The following PLVAP variants were observed in gnomAD, a reference collection of about 807,000 sequenced individuals.
The protein encoded by PLVAP is plasmalemma vesicle associated protein.
Under a neutral mutation model 43.1 loss-of-function variants are expected in PLVAP, and 34 were observed. The observed-to-expected ratio is 0.79, with a 90% CI of 0.60 to 1.05. The LOEUF is 1.05. PLVAP is among the 50% of genes least tolerant of loss of function. PLVAP has a pLI of 0.00. For missense variants in PLVAP, 574 were observed against 593.4 expected (o/e 0.97, Z 0.34); for synonymous variants, 241 against 237.3 (o/e 1.02, Z -0.14).
At chr19:17,354,636 C>T (rs952623295) in intron 5 of PLVAP, among the ~76,000 whole-genome samples, 13 of 148,020 alleles carry the variant, frequency 8.8e-5, no homozygotes, top group South Asian at 2.1e-4. Context: ...CTGTGACTCA[C>T]ACCTGTAATC....
At chr19:17,355,207 G>A (rs2074501582) in intron 5 of PLVAP, among the ~76,000 whole-genome samples, 1 of 139,158 alleles carries the variant, frequency 7.2e-6, no homozygotes, top group African/African-American at 2.7e-5. Context: ...GTGGGTGGCA[G>A]AGTGAGACTC....
chr19:17,376,117 T>G (rs10469472), intron 1 of PLVAP, among the ~76,000 whole-genome samples: 36,057 of 150,896 alleles, frequency 0.24, 5,672 homozygotes, highest in African/African-American at 0.45. Context: ...TGTCAAGGCT[T>G]CAGTGAGCTA....
chr19:17,356,453 T>G (rs2074507154), intron 5 of PLVAP, among the ~76,000 whole-genome samples: 1 of 152,180 alleles, frequency 6.6e-6, no homozygotes, highest in Non-Finnish European at 1.5e-5. Context: ...TAATACCAGC[T>G]AAGGCTTTGT....
intron 1 of PLVAP, among the ~76,000 whole-genome samples, chr19:17,366,979 G>C (rs1184272574): frequency 1.6e-5 from 2 of 122,404 alleles, no homozygotes; most frequent in Non-Finnish European, 3.3e-5. Flanking sequence ...GTCTCACTTT[G>C]TCACCCAGGC....
In PLVAP at chr19:17,365,549, G is replaced by A. The variant is rs1297171103; in HGVS notation, c.916C>T (p.Arg306Cys). The change falls in exon 3 of 6, where the codon CGC becomes TGC. Residue 306 changes from arginine (R) to cysteine (C), a missense_variant. Arg to Cys is a radical substitution (Grantham distance 180, BLOSUM62 -3). Transcript: ENST00000252590. ...RVARENSDLQ[R>C]QKLEAQQGLR... ...CCCTGCTGGGCTTCCAGCTTCTGGCGTTGGAGGTCTGAGTTCTCGCGGGCC... is the reference window on the plus strand; with the variant it reads ...CCCTGCTGGGCTTCCAGCTTCTGGCATTGGAGGTCTGAGTTCTCGCGGGCC... The A allele has an allele frequency of 8.7e-6, 14 of 1,611,818 alleles. No individual in the cohort carries two copies. The highest frequency in any genetic ancestry group is 1.6e-4 in the Middle Eastern group (1 of 6,084).
Position 17,365,991 on chromosome 19 carries a change from G to A in PLVAP, c.474C>T (p.Leu158=), listed in dbSNP as rs1335491726. The change falls in exon 3 of 6, where the codon CTC becomes CTT. Residue 158 remains leucine (L), a synonymous_variant. Coordinates refer to ENST00000252590, the MANE Select transcript of PLVAP (RefSeq NM_031310.3). ...TCTTCACCTTCTGATTCAGCATGAA[G>A]AGCAAGGCTAAGGAAAACAGGACCA... is the stretch of plus-strand genomic sequence containing the variant. ...KDMNKSCDAL[L]FMLNQKVKTL... 1 of 1,612,918 alleles carries A rather than the reference G, an allele frequency of 6.2e-7. No individual in the cohort carries two copies. The highest frequency in any genetic ancestry group is 1.7e-5 in the Admixed American group (1 of 59,964).
At chr19:17,370,353 C>T (rs2074567485) in intron 1 of PLVAP, among the ~76,000 whole-genome samples, 1 of 152,148 alleles carries the variant, frequency 6.6e-6, no homozygotes, top group South Asian at 2.1e-4. Context: ...TGTCCACAGC[C>T]GCTCGATTCA....
intron 3 of PLVAP, 131 bp downstream of exon 3, chr19:17,365,155 G>A: frequency 1.4e-6 from 1 of 740,184 alleles, no homozygotes; most frequent in Non-Finnish European, 2.2e-6. Context: ...CCTGATCCTA[G>A]AGAGTTGTAA....
chr19:17,377,005 T>C lies in PLVAP; in HGVS notation c.284A>G (p.Lys95Arg). The C allele has an allele frequency of 6.2e-7, 1 of 1,614,130 alleles. No individual in the cohort carries two copies. Among genetic ancestry groups the C allele is most frequent in the East Asian group, 2.2e-5 (1 of 44,870 alleles). ...TKELNFTTRA[K>R]DAIMQMWLNA... ...CAGCCACATCTGCATGATGGCATCCTTGGCGCGGGTGGTGAAGTTGAGCTC... is the reference window on the plus strand; with the variant it reads ...CAGCCACATCTGCATGATGGCATCCCTGGCGCGGGTGGTGAAGTTGAGCTC... The change falls in exon 1 of 6, where the codon AAG becomes AGG. Residue 95 changes from lysine to arginine, a missense_variant. Physicochemically the swap from Lys to Arg is conservative, Grantham distance 26. Coordinates refer to ENST00000252590, the MANE Select transcript of PLVAP (RefSeq NM_031310.3).
At chr19:17,368,740 G>C (rs1057002620) in intron 1 of PLVAP, among the ~76,000 whole-genome samples, 1 of 152,114 alleles carries the variant, frequency 6.6e-6, no homozygotes, top group African/African-American at 2.4e-5. Flanking sequence ...CACTCTGGGA[G>C]GCCAAGGCGG....
intron 5 of PLVAP, among the ~76,000 whole-genome samples, chr19:17,356,529 A>C (rs1484405897): frequency 2.5e-4 from 38 of 152,098 alleles, no homozygotes; most frequent in Admixed American, 2.5e-3. Context: ...CTTAGAGACG[A>C]GGACTTGCTA....
intron 1 of PLVAP, among the ~76,000 whole-genome samples, chr19:17,370,508 A>C (rs974056149): frequency 2.0e-5 from 3 of 152,146 alleles, no homozygotes; most frequent in Non-Finnish European, 2.9e-5. Context: ...GAACCCCAAA[A>C]ACATGATGCC....
At position 17,352,255 on chromosome 19, in the gene PLVAP, G is replaced by A; in HGVS notation, c.*107C>T. ...AGTTGTCTGATGGTGGCCCTGGGTG[G>A]TTGGGGGCGGCGGGAGGGGGTTGTG... On this transcript the variant is annotated 3_prime_UTR_variant, in exon 6 of 6. Coordinates refer to ENST00000252590, the MANE Select transcript of PLVAP (RefSeq NM_031310.3). 6.9e-7 allele frequency: 1 copy of A among 1,444,882 alleles called. No homozygotes were observed. The highest frequency in any genetic ancestry group is 1.8e-5 in the Admixed American group (1 of 54,500). 89.5% of individuals were successfully genotyped at this position (1,444,882 alleles called of 1,614,324 possible). A position where few individuals can be genotyped will look rare whatever the true frequency, so the allele number is the denominator to read the frequency against.
At position 17,376,925 on chromosome 19, in the gene PLVAP, C is replaced by T; in HGVS notation, c.364G>A (p.Asp122Asn). 1.2e-6 allele frequency: 2 copies of T among 1,612,528 alleles called. No individual in the cohort carries two copies. The highest frequency in any genetic ancestry group is 1.7e-6 in the Non-Finnish European group (2 of 1,179,328). The change falls in exon 1 of 6, where the codon GAC becomes AAC. Residue 122 changes from aspartate to asparagine, a missense_variant. By Grantham distance (23) the Asp-to-Asn change is conservative. Coordinates refer to ENST00000252590, the MANE Select transcript of PLVAP (RefSeq NM_031310.3). ...INASFRQCQG[D>N]RVIYTNNQRY... ...TGTCCTGCCCACAGCCTTACCCGGT[C>T]ACCCTGGCACTGGCGGAAGCTGGCA...
intron 1 of PLVAP, among the ~76,000 whole-genome samples, chr19:17,372,567 C>T (rs1357540636): frequency 1.3e-5 from 2 of 149,908 alleles, no homozygotes; most frequent in Non-Finnish European, 3.0e-5. Context: ...TGCCATTCTC[C>T]TGCCTCAGCC....
chr19:17,365,661 G>T lies in PLVAP; in HGVS notation c.804C>A (p.Ile268=). The T allele has an allele frequency of 1.9e-6, 3 of 1,613,750 alleles. No homozygotes were observed. The highest frequency in any genetic ancestry group is 2.5e-6 in the Non-Finnish European group (3 of 1,180,012). The part of the protein sequence containing the change: ...YHPLGSELAS[I]RRACDHMPSL... ...TGGGCATGTGGTCGCAGGCTCTGCG[G>T]ATGGAGGCCAATTCCGAGCCCAGGG... Residue 268 remains isoleucine (I), a synonymous_variant, in exon 3 of 6, where the codon ATC becomes ATA. Coordinates refer to ENST00000252590, the MANE Select transcript of PLVAP (RefSeq NM_031310.3).
chr19:17,360,965 A>T, intron 3 of PLVAP, 133 bp from the exon 4 acceptor site: 1 of 787,958 alleles, frequency 1.3e-6, no homozygotes, highest in African/African-American at 2.0e-5. Context: ...CCCAGGCTGG[A>T]GTGCAGTGGT....
At chr19:17,364,762 GT>G in intron 3 of PLVAP, among the ~76,000 whole-genome samples, 1 of 126,630 alleles carries the variant, frequency 7.9e-6, no homozygotes, top group Admixed American at 8.1e-5. Context: ...TCTAATTCCA[GT>G]CTTTTTTTTT....
At position 17,376,095 on chromosome 19, in the gene PLVAP, TGGAGCCCAGGATGTCAAGGCTTCAGTGA is replaced by T. The variant is rs767910868; in HGVS notation, c.369+797_369+824del. Among the ~76,000 whole-genome samples, 47 of 152,208 alleles carry T rather than the reference TGGAGCCCAGGATGTCAAGGCTTCAGTGA, an allele frequency of 3.1e-4. No individual in the cohort carries two copies. In the Middle Eastern group the frequency reaches 0.027, roughly 88 times the overall value. ...CAAAAGGCTGAGGCAGGAGGATTGC[TGGAGCCCAGGATGTCAAGGCTTCAGTGA>T]GCTATGCTCACATCACTGTGCTCCA... On this transcript the variant is annotated intron_variant, in intron 1 of 5. Transcript: ENST00000252590.
Sources: allele counts gnomAD v4.1 joint callset (sites outside exome capture counted in the v4.1 genomes callset), GRCh38; gene constraint gnomAD v4.1.1; transcripts MANE v1.5; gene names NCBI Gene and HGNC (gene_info 2026-07-23, HGNC 2026-07-21).